Variants in CACNA1E observed in about 807,000 individuals in gnomAD.
CACNA1E encodes calcium voltage-gated channel subunit alpha1 E, also known as voltage-dependent R-type calcium channel subunit alpha-1E.
A neutral mutation model predicts 259.2 loss-of-function variants in CACNA1E; 40 were observed. The observed-to-expected ratio is 0.15, with a 90% CI of 0.12 to 0.20. The LOEUF (loss-of-function observed/expected upper bound fraction) is 0.20. CACNA1E is among the 10% of genes least tolerant of loss of function. The pLI is 1.00. For missense variants in CACNA1E, 1,874 were observed against 3,040.1 expected (o/e 0.62, Z 9.02); for synonymous variants, 1,104 against 1,138.5 (o/e 0.97, Z 0.61).
At chr1:181,426,896 A>G (rs1257704313) in intron 2 of CACNA1E, among the ~76,000 whole-genome samples, 3 of 108,616 alleles carry the variant, frequency 2.8e-5, no homozygotes, top group Non-Finnish European at 3.8e-5. Flanking sequence ...CCCCTTCACA[A>G]CTCAACCCCT....
rs373699388 is a variant in CACNA1E, at chr1:181,483,861, C to T, written c.117C>T (p.Tyr39=). 1.2e-6 allele frequency: 2 copies of T among 1,613,772 alleles called. No individual in the cohort carries two copies. Among genetic ancestry groups the T allele is most frequent in the Non-Finnish European group, 1.7e-6 (2 of 1,179,848 alleles). ...CGGCCTCGGGGCAGGCGGCCGCCTA[C>T]AAGCAGACGAAAGCACAGAGGGCGC... is the stretch of plus-strand genomic sequence containing the variant. ...PVPASGQAAA[Y]KQTKAQRART... The change falls in exon 1 of 48, where the codon TAC becomes TAT. Residue 39 remains tyrosine, a synonymous_variant. Coordinates refer to ENST00000367573, the MANE Select transcript of CACNA1E (RefSeq NM_001205293.3).
At chr1:181,426,052 T>G (rs1659166173) in intron 2 of CACNA1E, among the ~76,000 whole-genome samples, 1 of 152,124 alleles carries the variant, frequency 6.6e-6, no homozygotes, top group Non-Finnish European at 1.5e-5. Context: ...ATTCTCTTTC[T>G]GCTCTTGGAG....
At chr1:181,402,464 G>T (rs1278589144) in intron 1 of CACNA1E, among the ~76,000 whole-genome samples, 1 of 152,188 alleles carries the variant, frequency 6.6e-6, no homozygotes, top group Non-Finnish European at 1.5e-5. Flanking sequence ...AGATCACAAA[G>T]GATGATCCAC....
At chr1:181,582,598 G>A (rs1558151024) in intron 6 of CACNA1E, among the ~76,000 whole-genome samples, 1 of 152,374 alleles carries the variant, frequency 6.6e-6, no homozygotes, top group African/African-American at 2.4e-5. Context: ...AGATGGTACT[G>A]AGAGGAGAAG....
In CACNA1E at chr1:181,803,850, C is replaced by T. The variant is rs1662448659; in HGVS notation, c.*5016C>T. 6.6e-6 allele frequency: 1 copy of T among 152,180 alleles called. No homozygotes were observed. The highest frequency in any genetic ancestry group is 1.5e-5 in the Non-Finnish European group (1 of 68,046). The allele number at this position is 152,180 out of a possible 1,614,324, so 9.4% of individuals were successfully genotyped here. A position where few individuals can be genotyped will look rare whatever the true frequency, so the allele number is the denominator to read the frequency against. On this transcript the variant is annotated 3_prime_UTR_variant, in exon 48 of 48. Transcript: ENST00000367573. The stretch of plus-strand genomic sequence containing the variant: ...AAAGGGCCTGAAAAGCCTCTCTAAA[C>T]AAAACTCAAGATAGCTGAGAAGTAT...
intron 1 of CACNA1E, among the ~76,000 whole-genome samples, chr1:181,360,476 G>A (rs1452518414): frequency 4.6e-5 from 7 of 152,146 alleles, no homozygotes; most frequent in African/African-American, 1.2e-4. Flanking sequence ...ATTATATTAG[G>A]TGAAAGGAAC....
At chr1:181,332,312 C>G (rs1651343102) in intron 1 of CACNA1E, among the ~76,000 whole-genome samples, 1 of 152,154 alleles carries the variant, frequency 6.6e-6, no homozygotes, top group South Asian at 2.1e-4. Flanking sequence ...AGCAAACCAC[C>G]ATGGCACACA....
intron 1 of CACNA1E, among the ~76,000 whole-genome samples, chr1:181,398,336 C>T (rs1656841302): frequency 6.6e-6 from 1 of 152,196 alleles, no homozygotes; most frequent in African/African-American, 2.4e-5. Flanking sequence ...GGTGCCAAAA[C>T]CTTAAATTAG....
At chr1:181,760,092 G>A (rs200460547) in intron 32 of CACNA1E, among the ~76,000 whole-genome samples, 2 of 152,106 alleles carry the variant, frequency 1.3e-5, no homozygotes, top group South Asian at 2.1e-4. Flanking sequence ...AGAGGGAGAC[G>A]CAAGCACCAC....
rs530605732 is a variant in CACNA1E, at chr1:181,755,615, A to C, written c.3989+218A>C. Among the ~76,000 whole-genome samples, 15 of 152,336 alleles carry C rather than the reference A, an allele frequency of 9.8e-5. No homozygotes were observed. In the South Asian group the frequency reaches 1.2e-3, roughly 13 times the overall value. ...AAAATATCTCGTACCATGACATTTTACACTCGAGTTTTCATTTCAAACCCC... is the reference window on the plus strand; with the variant it reads ...AAAATATCTCGTACCATGACATTTTCCACTCGAGTTTTCATTTCAAACCCC... On this transcript the variant is annotated intron_variant, in intron 28 of 47. Transcript: ENST00000367573.
intron 1 of CACNA1E, among the ~76,000 whole-genome samples, chr1:181,387,377 A>T (rs1372997437): frequency 3.9e-5 from 6 of 152,158 alleles, no homozygotes; most frequent in Admixed American, 6.5e-5. Flanking sequence ...TAAAATGATT[A>T]AAAAAAGGGC....
intron 7 of CACNA1E, among the ~76,000 whole-genome samples, chr1:181,674,742 C>T (rs1002809779): frequency 6.6e-6 from 1 of 152,202 alleles, no homozygotes; most frequent in Non-Finnish European, 1.5e-5. Context: ...TCTCTCAAGT[C>T]TCTCTCTACA....
chr1:181,540,123 A>G (rs1268998312), intron 3 of CACNA1E, among the ~76,000 whole-genome samples: 1 of 152,134 alleles, frequency 6.6e-6, no homozygotes, highest in Non-Finnish European at 1.5e-5. Context: ...AATAAGGGAG[A>G]TGGAGAACCT....
intron 7 of CACNA1E, among the ~76,000 whole-genome samples, chr1:181,668,212 C>T (rs143600284): frequency 2.7e-4 from 41 of 152,332 alleles, no homozygotes; most frequent in African/African-American, 9.9e-4. Context: ...TTTGTCATTT[C>T]AAGAATGTTA....
chr1:181,669,255 A>AAAGGT (rs1648553251), intron 7 of CACNA1E, among the ~76,000 whole-genome samples: 1 of 152,220 alleles, frequency 6.6e-6, no homozygotes, highest in Admixed American at 6.5e-5. Flanking sequence ...TCATTAAAGA[A>AAAGGT]AAGGTCCAAA....
rs567242381 is a variant in CACNA1E, at chr1:181,535,822, G to A, written c.512+24312G>A. Among the ~76,000 whole-genome samples the A allele has an allele frequency of 9.9e-5, 15 of 151,960 alleles. No homozygotes were observed. The South Asian group carries it at 3.1e-3, about 32-fold the overall frequency. On this transcript the variant is annotated intron_variant, in intron 3 of 47. Coordinates refer to ENST00000367573, the MANE Select transcript of CACNA1E (RefSeq NM_001205293.3). ...CCTGCCTCAGCCTCCCAAGTAGCTG[G>A]GATTACAGGCATGCACTATCACCCC...
At chr1:181,352,927 G>T (rs1360465373) in intron 1 of CACNA1E, among the ~76,000 whole-genome samples, 3 of 152,150 alleles carry the variant, frequency 2.0e-5, no homozygotes, top group Non-Finnish European at 4.4e-5. Context: ...GCTCCAGGAA[G>T]AACTAGTGAA....
intron 1 of CACNA1E, among the ~76,000 whole-genome samples, chr1:181,498,437 T>C (rs1321543612): frequency 6.6e-6 from 1 of 152,164 alleles, no homozygotes; most frequent in Non-Finnish European, 1.5e-5. Context: ...TAGAAGTATT[T>C]CCATGGACTC....
intron 7 of CACNA1E, among the ~76,000 whole-genome samples, chr1:181,686,616 C>T (rs3845441): frequency 0.84 from 127,625 of 152,166 alleles, 53,598 homozygotes; most frequent in South Asian, 0.89. Flanking sequence ...GATGGCTTCA[C>T]GTCTGAGTTT....
Sources: allele counts gnomAD v4.1 joint callset (sites outside exome capture counted in the v4.1 genomes callset), GRCh38; gene constraint gnomAD v4.1.1; transcripts MANE v1.5; gene names NCBI Gene and HGNC (gene_info 2026-07-23, HGNC 2026-07-21).